Variants in DNMBP observed in about 807,000 individuals in gnomAD.
DNMBP encodes the protein dynamin binding protein, also known as dynamin-binding protein.
Under a neutral mutation model 150.0 loss-of-function variants are expected in DNMBP, and 87 were observed. The ratio of observed to expected loss-of-function variants is 0.58; its 90% CI spans 0.49 to 0.69. DNMBP has a LOEUF of 0.69. Among genes scored for constraint, DNMBP ranks in the 30% least tolerant of loss-of-function variants. The pLI, the probability that DNMBP is intolerant of heterozygous loss-of-function variation, is 0.00. For synonymous variants in DNMBP, 711 were observed against 750.4 expected (o/e 0.95, Z 0.86); for missense variants, 1,774 against 1,949.0 (o/e 0.91, Z 1.69).
intron 1 of DNMBP, among the ~76,000 whole-genome samples, chr10:99,986,118 T>C (rs2040824861): frequency 6.6e-6 from 1 of 152,182 alleles, no homozygotes; most frequent in Non-Finnish European, 1.5e-5. Flanking sequence ...ATCTTTCTTA[T>C]CCATTCAAGA....
chr10:99,960,371 C>T (rs397839766), intron 3 of DNMBP, among the ~76,000 whole-genome samples: 3 of 152,186 alleles, frequency 2.0e-5, no homozygotes, highest in South Asian at 2.1e-4. Flanking sequence ...GTCAGAGGTG[C>T]TCAAGGAATG....
At chr10:99,891,886 G>A (rs1440609117) in intron 11 of DNMBP, among the ~76,000 whole-genome samples, 1 of 148,722 alleles carries the variant, frequency 6.7e-6, no homozygotes, top group Non-Finnish European at 1.5e-5. Context: ...GAGGTGAGGA[G>A]CGTCTCTGCC....
chr10:99,915,755 G>A (rs1328630144), intron 4 of DNMBP, among the ~76,000 whole-genome samples: 1 of 152,174 alleles, frequency 6.6e-6, no homozygotes, highest in Non-Finnish European at 1.5e-5. Flanking sequence ...CACTATGTGT[G>A]TCATGCACTG....
intron 1 of DNMBP, among the ~76,000 whole-genome samples, chr10:99,999,129 G>C (rs1057072152): frequency 2.0e-5 from 3 of 152,130 alleles, no homozygotes; most frequent in African/African-American, 7.2e-5. Flanking sequence ...ACAGAGTGCT[G>C]GTGAGTTAGT....
chr10:99,883,965 TA>T, intron 15 of DNMBP, 45 bp downstream of exon 15: 1 of 1,556,830 alleles, frequency 6.4e-7, no homozygotes, highest in African/African-American at 1.4e-5. Context: ...CCAAAACTAC[TA>T]TTTTTTTTTT....
chr10:100,004,999 A>T (rs973246086), intron 1 of DNMBP, among the ~76,000 whole-genome samples: 1 of 152,254 alleles, frequency 6.6e-6, no homozygotes. Flanking sequence ...AGCTATCTGT[A>T]TAAGAGATAC....
At chr10:99,929,569 C>G (rs994347299) in intron 4 of DNMBP, 1 of 622,930 alleles carries the variant, frequency 1.6e-6, no homozygotes, top group African/African-American at 1.8e-5. Context: ...TTAAATCTAT[C>G]TTTATGCTTT....
intron 14 of DNMBP, among the ~76,000 whole-genome samples, chr10:99,885,360 A>G (rs2252436): frequency 0.14 from 21,821 of 152,076 alleles, 2,458 homozygotes; most frequent in African/African-American, 0.31. Context: ...AAATAGAAAA[A>G]TTAGCTGGGC....
intron 1 of DNMBP, among the ~76,000 whole-genome samples, chr10:100,002,681 A>G (rs2041028004): frequency 6.6e-6 from 1 of 152,124 alleles, no homozygotes; most frequent in Non-Finnish European, 1.5e-5. Flanking sequence ...TGCTTTCCAC[A>G]AATTATATAT....
chr10:99,990,127 C>A (rs947869846), intron 1 of DNMBP, among the ~76,000 whole-genome samples: 1 of 152,210 alleles, frequency 6.6e-6, no homozygotes, highest in Non-Finnish European at 1.5e-5. Context: ...TCCCAGTGAT[C>A]ACACTATTCT....
chr10:99,898,360 C>A, intron 8 of DNMBP, 75 bp from the exon 9 acceptor site: 1 of 1,336,734 alleles, frequency 7.5e-7, no homozygotes, highest in Non-Finnish European at 1.1e-6. Context: ...CGTGAGACCC[C>A]ACCTTAAAAA....
At chr10:99,960,186 T>C (rs2133338934) in intron 3 of DNMBP, among the ~76,000 whole-genome samples, 1 of 152,366 alleles carries the variant, frequency 6.6e-6, no homozygotes, top group East Asian at 1.9e-4. Flanking sequence ...ATATGATTTA[T>C]GATTTAATTT....
At chr10:99,922,869 T>A (rs1193040325) in intron 4 of DNMBP, among the ~76,000 whole-genome samples, 1 of 152,190 alleles carries the variant, frequency 6.6e-6, no homozygotes, top group African/African-American at 2.4e-5. Flanking sequence ...CCTCCACATA[T>A]TTATTTTTTC....
intron 1 of DNMBP, among the ~76,000 whole-genome samples, chr10:99,985,475 G>T (rs541112869): frequency 6.6e-6 from 1 of 152,196 alleles, no homozygotes; most frequent in African/African-American, 2.4e-5. Context: ...CCACCCAGGG[G>T]AGAGTACCTA....
At chr10:99,923,359 C>A (rs1001033525) in intron 4 of DNMBP, among the ~76,000 whole-genome samples, 2 of 151,684 alleles carry the variant, frequency 1.3e-5, no homozygotes, top group African/African-American at 4.9e-5. Flanking sequence ...GTACTGCAGC[C>A]TGGTCAAAAG....
At chr10:99,907,216 A>T (rs955660579) in intron 6 of DNMBP, among the ~76,000 whole-genome samples, 1 of 151,662 alleles carries the variant, frequency 6.6e-6, no homozygotes. Flanking sequence ...ATTCCCAGCT[A>T]TGTGGGAGAC....
rs2039628828 is a variant in DNMBP at position 99,894,942 on chromosome 10, T to A, written c.3156+4A>T. Reference sequence around the variant, plus strand: ...AATCTAACTACAGTGATGTTGATGCTCACCCGGATGTGCTGGAGGTAGAGA... The same window carrying A: ...AATCTAACTACAGTGATGTTGATGCACACCCGGATGTGCTGGAGGTAGAGA... On this transcript the variant is annotated splice_donor_region_variant and intron_variant, in intron 11 of 16. Transcript: ENST00000324109. The A allele has an allele frequency of 6.2e-7, 1 of 1,605,132 alleles. No homozygotes were observed. The highest frequency in any genetic ancestry group is 8.5e-7 in the Non-Finnish European group (1 of 1,172,066).
intron 1 of DNMBP, among the ~76,000 whole-genome samples, chr10:99,982,425 C>T (rs1427913517): frequency 6.6e-6 from 1 of 151,878 alleles, no homozygotes; most frequent in Non-Finnish European, 1.5e-5. Flanking sequence ...GCCTGGGCAA[C>T]AGAGCGAGAC....
chr10:99,952,934 G>A (rs897783143), intron 4 of DNMBP, among the ~76,000 whole-genome samples: 3 of 151,934 alleles, frequency 2.0e-5, no homozygotes, highest in African/African-American at 7.3e-5. Flanking sequence ...AGACCCCCTG[G>A]GTTGCTTTCT....
Sources: allele counts gnomAD v4.1 joint callset (sites outside exome capture counted in the v4.1 genomes callset), GRCh38; gene constraint gnomAD v4.1.1; transcripts MANE v1.5; gene names NCBI Gene and HGNC (gene_info 2026-07-23, HGNC 2026-07-21).